The following AFF3 variants were observed in gnomAD, a reference collection of about 807,000 sequenced individuals.
AFF3 encodes ALF transcription elongation factor 3.
A neutral mutation model predicts 129.7 loss-of-function variants in AFF3; 32 were observed. That is an observed-to-expected ratio of 0.25 (90% CI 0.19 to 0.33). The LOEUF is 0.33. AFF3 is among the 10% of genes least tolerant of loss of function. The pLI is 1.00. For synonymous variants in AFF3, 644 were observed against 635.4 expected (o/e 1.01, Z -0.20); for missense variants, 1,373 against 1,592.0 (o/e 0.86, Z 2.34).
rs1022552108 is a variant in AFF3 at position 99,756,570 on chromosome 2, CAGTTCCA to C, written c.922-4276_922-4270del. On this transcript the variant is annotated intron_variant, in intron 8 of 24. Transcript: ENST00000672756. ...GTCTGTTACTCTGTCCTTGGGGATC[CAGTTCCA>C]TCAGTATCTCACTGGTATTGGTTTA... Among the ~76,000 whole-genome samples, 30 of 152,346 alleles carry C rather than the reference CAGTTCCA, an allele frequency of 2.0e-4. 1 individual carries two copies. The highest frequency in any genetic ancestry group is 1.7e-3 in the South Asian group (8 of 4,830).
intron 11 of AFF3, among the ~76,000 whole-genome samples, chr2:99,703,952 A>T (rs1677116097): frequency 6.6e-6 from 1 of 152,234 alleles, no homozygotes; most frequent in South Asian, 2.1e-4. Context: ...TGTTCTAAGT[A>T]TTGCCATACA....
At chr2:99,621,249 T>C (rs779674072) in intron 13 of AFF3, among the ~76,000 whole-genome samples, 1 of 152,228 alleles carries the variant, frequency 6.6e-6, no homozygotes, top group Non-Finnish European at 1.5e-5. Flanking sequence ...AATCTTCAGT[T>C]GACTATAACA....
intron 8 of AFF3, among the ~76,000 whole-genome samples, chr2:99,820,547 G>A (rs1018619744): frequency 6.6e-6 from 1 of 151,456 alleles, no homozygotes; most frequent in African/African-American, 2.4e-5. Context: ...ATGCACTTAA[G>A]CTACACTAAA....
chr2:99,730,419 A>T (rs138418317), intron 10 of AFF3, among the ~76,000 whole-genome samples: 9 of 152,192 alleles, frequency 5.9e-5, no homozygotes, highest in African/African-American at 1.7e-4. Flanking sequence ...TTCCATCAAT[A>T]GTGTCATATA....
chr2:99,704,332 T>C (rs2104808918), intron 11 of AFF3, among the ~76,000 whole-genome samples: 1 of 152,148 alleles, frequency 6.6e-6, no homozygotes. Context: ...TTCTCTTAGT[T>C]TTCCTGCAGC....
At chr2:99,816,628 G>A (rs1031915688) in intron 8 of AFF3, among the ~76,000 whole-genome samples, 5 of 152,108 alleles carry the variant, frequency 3.3e-5, no homozygotes, top group African/African-American at 1.2e-4. Flanking sequence ...TCTCCAAGTT[G>A]TATTCCACTG....
At chr2:99,554,218 G>A (rs1674698473) in intron 24 of AFF3, 93 bp downstream of exon 24, 14 of 1,306,196 alleles carry the variant, frequency 1.1e-5, no homozygotes, top group Non-Finnish European at 1.5e-5. Context: ...ATACAACTGT[G>A]TGAGTATCCC....
chr2:100,104,000 T>G (rs1289036515), intron 4 of AFF3, among the ~76,000 whole-genome samples: 1 of 149,866 alleles, frequency 6.7e-6, no homozygotes, highest in Non-Finnish European at 1.5e-5. Context: ...AGGGGGTCGG[T>G]GGTGCCAGCC....
intron 4 of AFF3, among the ~76,000 whole-genome samples, chr2:100,056,059 TCTCTCACACACA>T (rs1175820995): frequency 5.2e-5 from 6 of 114,674 alleles, no homozygotes; most frequent in South Asian, 5.6e-4. Flanking sequence ...TCGCTGTCTC[TCTCTCACACACA>T]CACACACACA....
At chr2:100,101,159 T>C (rs1417116937) in intron 4 of AFF3, among the ~76,000 whole-genome samples, 2 of 152,226 alleles carry the variant, frequency 1.3e-5, no homozygotes, top group African/African-American at 4.8e-5. Context: ...TATGGATGTT[T>C]CTGAGTGGCA....
At chr2:100,060,931 T>A in intron 4 of AFF3, among the ~76,000 whole-genome samples, 1 of 152,200 alleles carries the variant, frequency 6.6e-6, no homozygotes, top group East Asian at 1.9e-4. Context: ...TTGCTCAGAC[T>A]TCCCTTGTTT....
In AFF3 at chr2:100,026,247, AGAC is replaced by A. The variant is rs553423408; in HGVS notation, c.54-17318_54-17316del. 3.7e-3 allele frequency among the ~76,000 whole-genome samples: 569 copies of A among 152,368 alleles called. 2 individuals carry two copies. The highest frequency in any genetic ancestry group is 0.017 in the Middle Eastern group (5 of 294). The stretch of plus-strand genomic sequence containing the variant: ...AAAAAAGTGGGCTAAGGACATGAAT[AGAC>A]AATTCTCAAAAGATGTTATACAAAT... On this transcript the variant is annotated intron_variant, in intron 4 of 24. Coordinates refer to ENST00000672756, the MANE Select transcript of AFF3 (RefSeq NM_001386135.1).
At chr2:99,676,774 A>G (rs2104508882) in intron 11 of AFF3, among the ~76,000 whole-genome samples, 1 of 152,250 alleles carries the variant, frequency 6.6e-6, no homozygotes, top group South Asian at 2.1e-4. Context: ...GGAGGGGAAT[A>G]TATTTTGGCC....
At chr2:99,733,009 T>A (rs566355013) in intron 10 of AFF3, among the ~76,000 whole-genome samples, 1 of 152,326 alleles carries the variant, frequency 6.6e-6, no homozygotes, top group Non-Finnish European at 1.5e-5. Flanking sequence ...AATTTCTTAT[T>A]CATAGAAACA....
intron 8 of AFF3, among the ~76,000 whole-genome samples, chr2:99,826,635 G>A (rs972325404): frequency 1.3e-5 from 2 of 152,180 alleles, no homozygotes; most frequent in Non-Finnish European, 2.9e-5. Flanking sequence ...GTGATGGTGA[G>A]AGCAGTGGTT....
chr2:99,669,140 T>C (rs1686937997), intron 12 of AFF3, among the ~76,000 whole-genome samples: 2 of 152,162 alleles, frequency 1.3e-5, no homozygotes, highest in Non-Finnish European at 2.9e-5. Flanking sequence ...AACATGCACA[T>C]ACCCTACTGC....
intron 13 of AFF3, among the ~76,000 whole-genome samples, chr2:99,645,114 C>A (rs1049861190): frequency 6.6e-6 from 1 of 152,158 alleles, no homozygotes; most frequent in Non-Finnish European, 1.5e-5. Flanking sequence ...GCAGGCAGAT[C>A]ACTTGAGCCC....
chr2:99,637,702 A>T (rs1026906585), intron 13 of AFF3, among the ~76,000 whole-genome samples: 2 of 152,214 alleles, frequency 1.3e-5, no homozygotes, highest in Admixed American at 1.3e-4. Context: ...TCAGAAATAG[A>T]TATTTTAAAA....
At chr2:99,619,756 TCACA>T (rs763230008) in intron 13 of AFF3, among the ~76,000 whole-genome samples, 28 of 152,178 alleles carry the variant, frequency 1.8e-4, no homozygotes, top group Non-Finnish European at 3.5e-4. Context: ...GCTGCGATTC[TCACA>T]CACAGATGAC....
Sources: allele counts gnomAD v4.1 joint callset (sites outside exome capture counted in the v4.1 genomes callset), GRCh38; gene constraint gnomAD v4.1.1; transcripts MANE v1.5; gene names NCBI Gene and HGNC (gene_info 2026-07-23, HGNC 2026-07-21).